CCDC141: variants seen among roughly 807,000 people sequenced by gnomAD.
CCDC141 encodes coiled-coil domain-containing protein 141.
CCDC141 carries 168 observed loss-of-function variants against 181.0 expected under a neutral mutation model. The ratio of observed to expected loss-of-function variants is 0.93; its 90% CI spans 0.82 to 1.05. CCDC141 has a LOEUF of 1.05. Among genes scored for constraint, CCDC141 ranks in the 50% least tolerant of loss-of-function variants. The pLI is 0.00. For synonymous variants in CCDC141, 666 were observed against 642.3 expected (o/e 1.04, Z -0.56); for missense variants, 1,902 against 1,788.5 (o/e 1.06, Z -1.14).
At chr2:179,007,072 A>C (rs2042140586) in intron 2 of CCDC141, among the ~76,000 whole-genome samples, 1 of 152,194 alleles carries the variant, frequency 6.6e-6, no homozygotes. Flanking sequence ...GGATGAAAAC[A>C]TGATTGATTC....
chr2:178,989,063 T>C (rs553734197), intron 2 of CCDC141, among the ~76,000 whole-genome samples: 9 of 152,320 alleles, frequency 5.9e-5, no homozygotes, highest in African/African-American at 1.9e-4. Flanking sequence ...AAGAATTTTG[T>C]AAGTAAATTT....
chr2:178,817,923 C>T, the CCDC141 span, among the ~76,000 whole-genome samples: 1 of 151,968 alleles, frequency 6.6e-6, no homozygotes, highest in East Asian at 1.9e-4. Flanking sequence ...CTGCCTCAGC[C>T]TCCTGAGTAG....
intron 7 of CCDC141, among the ~76,000 whole-genome samples, chr2:178,915,519 A>G (rs900215704): frequency 2.6e-5 from 4 of 152,256 alleles, no homozygotes; most frequent in Non-Finnish European, 5.9e-5. Flanking sequence ...CATAGCTTCA[A>G]CGAATTTGGA....
In CCDC141 at chr2:178,985,937, A is replaced by C. The variant is rs552655876; in HGVS notation, c.226-7262T>G. On this transcript the variant is annotated intron_variant, in intron 2 of 23. Coordinates refer to ENST00000443758, the MANE Select transcript of CCDC141 (RefSeq NM_173648.4). ...TTCTGAAACTATTCCAATCAATAGA[A>C]AAAGAGGGAATCCACCCTAACTCAT... 4.8e-4 allele frequency among the ~76,000 whole-genome samples: 73 copies of C among 152,306 alleles called. 2 individuals are homozygous for C. Among genetic ancestry groups the C allele is most frequent in the Admixed American group, 5.9e-4 (9 of 15,294 alleles).
At chr2:178,855,973 G>T (rs1685367548) in intron 18 of CCDC141, among the ~76,000 whole-genome samples, 1 of 152,194 alleles carries the variant, frequency 6.6e-6, no homozygotes. Flanking sequence ...GAAGGCACGT[G>T]CATGCATCCA....
At chr2:178,972,505 G>C (rs117835295) in intron 4 of CCDC141, among the ~76,000 whole-genome samples, 1 of 152,146 alleles carries the variant, frequency 6.6e-6, no homozygotes, top group African/African-American at 2.4e-5. Flanking sequence ...AGTCACCAAC[G>C]AATGTGTACA....
At chr2:178,891,547 C>A (rs1324624575) in intron 8 of CCDC141, among the ~76,000 whole-genome samples, 2 of 151,946 alleles carry the variant, frequency 1.3e-5, no homozygotes, top group African/African-American at 4.8e-5. Context: ...GGCTGACAGG[C>A]TCCTTTGAAA....
At chr2:179,042,065 G>C (rs1393235527) in intron 2 of CCDC141, among the ~76,000 whole-genome samples, 1 of 152,096 alleles carries the variant, frequency 6.6e-6, no homozygotes, top group Non-Finnish European at 1.5e-5. Context: ...TGGATAAGTG[G>C]ATCTGATAGT....
downstream of CCDC141, among the ~76,000 whole-genome samples, chr2:178,827,131 G>A (rs952442309): frequency 1.3e-5 from 2 of 152,036 alleles, no homozygotes; most frequent in Non-Finnish European, 2.9e-5. Flanking sequence ...TTAGAAGTGT[G>A]CTGTTTAATC....
intron 8 of CCDC141, among the ~76,000 whole-genome samples, chr2:178,889,969 A>G (rs1687069585): frequency 6.6e-6 from 1 of 152,206 alleles, no homozygotes; most frequent in Non-Finnish European, 1.5e-5. Flanking sequence ...GGTAATATGA[A>G]TTGTATTTTG....
At chr2:178,875,046 A>G (rs555587150) in intron 12 of CCDC141, 1 of 152,254 alleles carries the variant, frequency 6.6e-6, no homozygotes, top group South Asian at 2.1e-4. Flanking sequence ...AGGGGACAGG[A>G]CTACACTGCA....
intron 5 of CCDC141, among the ~76,000 whole-genome samples, chr2:178,945,456 G>C (rs991759203): frequency 6.6e-6 from 1 of 152,064 alleles, no homozygotes; most frequent in Admixed American, 6.6e-5. Context: ...CATCATTTTA[G>C]AGATGCGGTA....
chr2:178,824,617 CAAAAAAAA>C, the CCDC141 span, among the ~76,000 whole-genome samples: 5 of 52,292 alleles, frequency 9.6e-5, no homozygotes, highest in South Asian at 3.3e-3. Flanking sequence ...GAGACTTCGT[CAAAAAAAA>C]AAAAAAAAAA....
chr2:178,880,440 G>A (rs868122059), intron 11 of CCDC141, among the ~76,000 whole-genome samples: 38 of 152,120 alleles, frequency 2.5e-4, no homozygotes, highest in African/African-American at 9.2e-4. Flanking sequence ...GGCAAATTGA[G>A]CAGGCAGAAG....
At chr2:178,963,014 G>A (rs1324519766) in intron 4 of CCDC141, among the ~76,000 whole-genome samples, 1 of 152,116 alleles carries the variant, frequency 6.6e-6, no homozygotes, top group Non-Finnish European at 1.5e-5. Flanking sequence ...GTCTGTCTTT[G>A]CCACTAGGCT....
chr2:178,841,726 C>T (rs1001935183), intron 22 of CCDC141, among the ~76,000 whole-genome samples: 3 of 152,148 alleles, frequency 2.0e-5, no homozygotes, highest in Admixed American at 6.6e-5. Context: ...CTCACTACAA[C>T]CTGCATCTCC....
At position 178,830,634 on chromosome 2, in the gene CCDC141, C is replaced by G. The variant is rs1684213057; in HGVS notation, c.*3539G>C. On this transcript the variant is annotated 3_prime_UTR_variant, in exon 24 of 24. Transcript: ENST00000443758. ...ATGAATCCTGCTGATAAGGTTCTTA[C>G]AGCCTAGCCAGAGGAGACTGATGCT... 1 of 152,220 alleles carries G rather than the reference C, an allele frequency of 6.6e-6. No individual in the cohort carries two copies. The highest frequency in any genetic ancestry group is 1.5e-5 in the Non-Finnish European group (1 of 68,064). 9.4% of individuals were successfully genotyped at this position (152,220 alleles called of 1,614,324 possible).
intron 2 of CCDC141, among the ~76,000 whole-genome samples, chr2:179,031,018 G>A (rs1174357489): frequency 6.6e-6 from 1 of 151,972 alleles, no homozygotes; most frequent in African/African-American, 2.4e-5. Flanking sequence ...AATATAGAGG[G>A]CCACTAGCCA....
In CCDC141 at chr2:178,872,293, A is replaced by G; in HGVS notation, c.1919T>C (p.Leu640Ser). 2 of 1,612,488 alleles carry G rather than the reference A, an allele frequency of 1.2e-6. No homozygotes were observed. ...LINMAKENEI[L>S]DVKNEVYLMK... Reference sequence around the variant, plus strand: ...GAGGTACACTTCATTTTTCACATCTAATATCTCGTTCTCTTTTGCCTGTTA... The same window carrying G: ...GAGGTACACTTCATTTTTCACATCTGATATCTCGTTCTCTTTTGCCTGTTA... Residue 640 changes from leucine (L) to serine (S), a missense_variant, in exon 13 of 24, where the codon TTA (leucine) becomes TCA (serine). Leu to Ser is a moderately radical substitution (Grantham distance 145). Coordinates refer to ENST00000443758, the MANE Select transcript of CCDC141 (RefSeq NM_173648.4).
Sources: gnomAD v4.1 joint callset for allele counts (sites outside exome capture counted in the v4.1 genomes callset) on GRCh38, gnomAD v4.1.1 for gene constraint, MANE v1.5 for transcripts, NCBI Gene and HGNC (gene_info 2026-07-23, HGNC 2026-07-21) for gene names.